PZP: variants seen among roughly 807,000 people sequenced by gnomAD.
PZP encodes the protein PZP alpha-2-macroglobulin like, also known as pregnancy zone protein.
A neutral mutation model predicts 179.8 loss-of-function variants in PZP; 150 were observed. The observed-to-expected ratio is 0.83, with a 90% CI of 0.73 to 0.96. The LOEUF (loss-of-function observed/expected upper bound fraction) is 0.96, where lower values mean the gene tolerates loss of function less well. PZP is among the 40% of genes least tolerant of loss of function. PZP has a pLI of 0.00. For synonymous variants in PZP, 624 were observed against 652.3 expected (o/e 0.96, Z 0.66); for missense variants, 1,689 against 1,764.0 (o/e 0.96, Z 0.76).
chr12:9,182,419 C>CAT (rs61200407), intron 13 of PZP, among the ~76,000 whole-genome samples: 109,982 of 151,852 alleles, frequency 0.72, 40,021 homozygotes, highest in East Asian at 0.79. Flanking sequence ...AAATTTTCTG[C>CAT]ATATATATGT....
chr12:9,184,508 G>T (rs1267106832), intron 13 of PZP, among the ~76,000 whole-genome samples: 2 of 152,206 alleles, frequency 1.3e-5, no homozygotes, highest in Non-Finnish European at 2.9e-5. Context: ...ATGAATGCCT[G>T]CACAAAGGCC....
chr12:9,147,753 C>T (rs1391492274), downstream of PZP, among the ~76,000 whole-genome samples: 2 of 152,164 alleles, frequency 1.3e-5, no homozygotes, highest in African/African-American at 4.8e-5. Context: ...ACCCACCATT[C>T]TTCTATGACT....
intron 1 of PZP, among the ~76,000 whole-genome samples, chr12:9,204,876 C>G (rs143002358): frequency 1.3e-5 from 2 of 152,032 alleles, no homozygotes; most frequent in African/African-American, 2.4e-5. Context: ...AGGAGAGTCA[C>G]TTGAGGCCAG....
intron 13 of PZP, among the ~76,000 whole-genome samples, chr12:9,191,792 A>G (rs375965838): frequency 5.0e-4 from 76 of 152,276 alleles, no homozygotes; most frequent in African/African-American, 1.8e-3. Flanking sequence ...GCCTGGCACA[A>G]GAAAAAAAAA....
At chr12:9,151,853 A>G (rs1940381205) in intron 32 of PZP, among the ~76,000 whole-genome samples, 181 bp from the exon 33 acceptor site, 1 of 152,254 alleles carries the variant, frequency 6.6e-6, no homozygotes, top group Non-Finnish European at 1.5e-5. Context: ...AGCCTCTGGC[A>G]TCTTTGATAA....
Position 9,158,567 on chromosome 12 carries a change from A to C in PZP, c.3147T>G (p.Ala1049=). ...GRNQGNTWLT[A]FVLKTFAQAR... is the part of the protein sequence containing the mutation. ...CCTGGGCGAAAGTCTTCAGTACAAA[A>C]GCTGTGAGCCTAGGGGGAGGAAAAA... The change falls in exon 26 of 36, where the codon GCT becomes GCG. Residue 1049 remains alanine (A), a synonymous_variant. Coordinates refer to ENST00000261336, the MANE Select transcript of PZP (RefSeq NM_002864.3). 1.2e-6 allele frequency: 2 copies of C among 1,614,092 alleles called. No homozygotes were observed. Among genetic ancestry groups the C allele is most frequent in the Non-Finnish European group, 1.7e-6 (2 of 1,179,992 alleles).
At chr12:9,151,767 T>C in intron 32 of PZP, 95 bp from the exon 33 acceptor site, 1 of 946,942 alleles carries the variant, frequency 1.1e-6, no homozygotes, top group Non-Finnish European at 1.6e-6. Flanking sequence ...CAAATGGTCA[T>C]TCTCTGAAGA....
intron 32 of PZP, 30 bp downstream of exon 32, chr12:9,152,189 AT>A: frequency 7.0e-7 from 1 of 1,435,190 alleles, no homozygotes; most frequent in Non-Finnish European, 9.8e-7. Context: ...ATACTTTTGT[AT>A]GAAGTCTATT....
intron 18 of PZP, 44 bp from the exon 19 acceptor site, chr12:9,165,411 C>T: frequency 6.2e-7 from 1 of 1,603,714 alleles, no homozygotes; most frequent in Non-Finnish European, 8.5e-7. Flanking sequence ...TGAATGTAAG[C>T]CACCTTTTCT....
rs149240997 is a variant in PZP at position 9,188,033 on chromosome 12, G to A, written c.1546+4160C>T. Among the ~76,000 whole-genome samples, 104 of 152,294 alleles carry A rather than the reference G, an allele frequency of 6.8e-4. 2 individuals are homozygous for A. In the East Asian group the frequency reaches 0.017, roughly 24 times the overall value. On this transcript the variant is annotated intron_variant, in intron 13 of 35. Coordinates refer to ENST00000261336, the MANE Select transcript of PZP (RefSeq NM_002864.3). ...TGGGACTCACATAAAAAATAGTCTG[G>A]CCAAACGTCCTTGATGAACATTGAT...
intron 14 of PZP, among the ~76,000 whole-genome samples, 160 bp downstream of exon 14, chr12:9,181,815 C>T (rs770909758): frequency 6.6e-6 from 1 of 152,226 alleles, no homozygotes; most frequent in East Asian, 1.9e-4. Context: ...TGAAAAAGTG[C>T]TGTACTAGAT....
At chr12:9,202,733 C>A in intron 2 of PZP, 49 bp from the exon 3 acceptor site, 1 of 1,538,216 alleles carries the variant, frequency 6.5e-7, no homozygotes, top group Non-Finnish European at 8.9e-7. Context: ...CAGTCTTCTC[C>A]CTCTGCATTC....
At position 9,202,673 on chromosome 12, in the gene PZP, G is replaced by C; in HGVS notation, c.279C>G (p.Ile93Met). 6.2e-7 allele frequency: 1 copy of C among 1,613,556 alleles called. No individual in the cohort carries two copies. Reference protein sequence around the residue: ...FHCVSFTLPRISASSEVAFLS... With the variant: ...FHCVSFTLPRMSASSEVAFLS... ...GGAATGCCACCTCTGAAGAGGCTGA[G>C]ATCCTTGGGAGCTAAAAAGCAAAGG... Residue 93 changes from isoleucine to methionine, a missense_variant, in exon 3 of 36, where the codon ATC becomes ATG. By Grantham distance (10) the Ile-to-Met change is conservative. Around this residue, in one of 3 missense-constraint regions of PZP, gnomAD observed 742 missense variants for 730.5 expected, o/e 1.02. Coordinates refer to ENST00000261336, the MANE Select transcript of PZP (RefSeq NM_002864.3).
chr12:9,202,192 T>C (rs1592568777), intron 4 of PZP, 127 bp downstream of exon 4: 1 of 834,414 alleles, frequency 1.2e-6, no homozygotes, highest in South Asian at 1.7e-5. Flanking sequence ...AAATCTGTGC[T>C]GAGGCTGGAG....
At chr12:9,196,308 T>C (rs1943768246) in intron 10 of PZP, 22 bp downstream of exon 10, 1 of 1,534,100 alleles carries the variant, frequency 6.5e-7, no homozygotes, top group South Asian at 1.1e-5. Flanking sequence ...TTTGCTTACC[T>C]GTGCATTACA....
chr12:9,160,495 G>A lies in PZP; in HGVS notation c.2873-5C>T, dbSNP rs1941098588. The A allele has an allele frequency of 4.4e-6, 7 of 1,607,852 alleles. No individual in the cohort carries two copies. In the East Asian group the frequency reaches 1.3e-4, roughly 31 times the overall value. On this transcript the variant is annotated splice_region_variant and splice_polypyrimidine_tract_variant and intron_variant, in intron 23 of 35. Transcript: ENST00000261336. ...TAGCAGAACCTAATATGTCACCTGG[G>A]GAATGTGAAAGATTAGATGTCAGAA...
downstream of PZP, among the ~76,000 whole-genome samples, chr12:9,144,090 G>T (rs1305400370): frequency 6.6e-6 from 1 of 152,190 alleles, no homozygotes; most frequent in African/African-American, 2.4e-5. Flanking sequence ...CTTACCAGTT[G>T]GCTGGATTAG....
At chr12:9,136,607 A>G in the PZP span, among the ~76,000 whole-genome samples, 1 of 152,176 alleles carries the variant, frequency 6.6e-6, no homozygotes, top group African/African-American at 2.4e-5. Flanking sequence ...TATATACACC[A>G]TGTTTCCATA....
At chr12:9,200,100 G>T (rs572278765) in intron 7 of PZP, among the ~76,000 whole-genome samples, 49 of 152,276 alleles carry the variant, frequency 3.2e-4, no homozygotes, top group African/African-American at 1.2e-3. Context: ...AAAATATCAT[G>T]ATCTTTGTGA....
Sources: allele counts gnomAD v4.1 joint callset (sites outside exome capture counted in the v4.1 genomes callset), GRCh38; gene constraint gnomAD v4.1.1; regional missense constraint gnomAD v4.1.1; transcripts MANE v1.5; gene names NCBI Gene and HGNC (gene_info 2026-07-23, HGNC 2026-07-21).